Variants in C8orf34 observed in about 807,000 individuals in gnomAD.
C8orf34 encodes the protein chromosome 8 open reading frame 34, also known as uncharacterized protein C8orf34.
Under a neutral mutation model 68.3 loss-of-function variants are expected in C8orf34, and 65 were observed. The observed-to-expected ratio is 0.95, with a 90% CI of 0.78 to 1.17. The LOEUF (loss-of-function observed/expected upper bound fraction) is 1.17, where lower values mean the gene tolerates loss of function less well. Among genes scored for constraint, C8orf34 ranks in the 50% most tolerant of loss-of-function variants. The pLI is 0.00. For missense variants in C8orf34, 664 were observed against 655.4 expected (o/e 1.01, Z -0.14); for synonymous variants, 244 against 241.2 (o/e 1.01, Z -0.11).
chr8:68,415,291 C>A (rs1410099779), intron 1 of C8orf34, among the ~76,000 whole-genome samples: 1 of 152,058 alleles, frequency 6.6e-6, no homozygotes, highest in African/African-American at 2.4e-5. Context: ...ACAAGCCTGG[C>A]CAACATGTCA....
intron 7 of C8orf34, among the ~76,000 whole-genome samples, chr8:68,583,254 G>T (rs907854007): frequency 6.6e-6 from 1 of 152,056 alleles, no homozygotes; most frequent in African/African-American, 2.4e-5. Flanking sequence ...GGAGAGAAAA[G>T]AAATGATTTG....
intron 7 of C8orf34, among the ~76,000 whole-genome samples, chr8:68,558,242 G>C (rs1403610887): frequency 6.6e-6 from 1 of 152,150 alleles, no homozygotes; most frequent in Non-Finnish European, 1.5e-5. Context: ...AGGCAGTGAA[G>C]CTAGCTTGTG....
chr8:68,611,068 T>C (rs1044173640), intron 7 of C8orf34, among the ~76,000 whole-genome samples: 6 of 152,066 alleles, frequency 3.9e-5, no homozygotes, highest in African/African-American at 1.2e-4. Flanking sequence ...GGTTTCTCCA[T>C]GTTGGTCAGG....
rs140113424 is a variant in C8orf34, at chr8:68,742,081, TG to T, written c.1404+20645del. On this transcript the variant is annotated intron_variant, in intron 10 of 13. Transcript: ENST00000518698. The stretch of plus-strand genomic sequence containing the variant: ...CCTAGTTTTATTCTTCTTCTGGACT[TG>T]AACTCCAGCGTGTCAGTGGTAATAC... Among the ~76,000 whole-genome samples the T allele has an allele frequency of 2.9e-3, 449 of 152,308 alleles. 4 individuals carry two copies. The highest frequency in any genetic ancestry group is 0.01 in the African/African-American group (429 of 41,564).
In C8orf34 at chr8:68,409,017, G is replaced by T. The variant is rs190594739; in HGVS notation, c.328-30482G>T. Among the ~76,000 whole-genome samples, 73 of 152,112 alleles carry T rather than the reference G, an allele frequency of 4.8e-4. No individual in the cohort carries two copies. In the East Asian group the frequency reaches 0.013, roughly 27 times the overall value. On this transcript the variant is annotated intron_variant, in intron 1 of 13. Transcript: ENST00000518698. The stretch of plus-strand genomic sequence containing the variant: ...TTGGCCAGCCTGATCTTGAACTCCT[G>T]ACCTCATGATACACCCGCCTTGGCC...
chr8:68,649,412 C>T (rs1253336904), intron 8 of C8orf34, among the ~76,000 whole-genome samples: 1 of 152,132 alleles, frequency 6.6e-6, no homozygotes, highest in African/African-American at 2.4e-5. Flanking sequence ...TGTCAGATGA[C>T]GATAGTGCCA....
At chr8:68,564,846 A>G (rs562807841) in intron 7 of C8orf34, among the ~76,000 whole-genome samples, 1 of 152,262 alleles carries the variant, frequency 6.6e-6, no homozygotes, top group South Asian at 2.1e-4. Flanking sequence ...AGAGAGAGTT[A>G]AATTTTAGTA....
chr8:68,613,704 G>A (rs576832267), intron 7 of C8orf34, among the ~76,000 whole-genome samples: 1 of 151,554 alleles, frequency 6.6e-6, no homozygotes, highest in Non-Finnish European at 1.5e-5. Flanking sequence ...GGACATTTGG[G>A]TTGGTTCCAA....
intron 1 of C8orf34, among the ~76,000 whole-genome samples, chr8:68,425,524 A>G (rs938746735): frequency 2.0e-5 from 3 of 152,138 alleles, no homozygotes; most frequent in East Asian, 1.9e-4. Flanking sequence ...ACAAAATAAA[A>G]TCATTATAAA....
intron 10 of C8orf34, among the ~76,000 whole-genome samples, chr8:68,756,595 A>G (rs921649525): frequency 2.0e-5 from 3 of 152,186 alleles, no homozygotes; most frequent in African/African-American, 7.2e-5. Context: ...GAAAGCTTAA[A>G]TAATATGTTA....
At position 68,695,467 on chromosome 8, in the gene C8orf34, A is replaced by G. The variant is rs1820804492; in HGVS notation, c.1242-13527A>G. ...CCCAGCCTGTTTATTCCTTTTTATA[A>G]GTACATCTTCAATGCTACATTAAAA... is the stretch of plus-strand genomic sequence containing the variant. On this transcript the variant is annotated intron_variant, in intron 8 of 13. Coordinates refer to ENST00000518698, the MANE Select transcript of C8orf34 (RefSeq NM_052958.4). 2.0e-5 allele frequency among the ~76,000 whole-genome samples: 3 copies of G among 152,090 alleles called. No individual in the cohort carries two copies. The South Asian group carries it at 6.2e-4, about 32-fold the overall frequency.
At chr8:68,359,523 T>C (rs930710398) in intron 1 of C8orf34, among the ~76,000 whole-genome samples, 15 of 152,272 alleles carry the variant, frequency 9.9e-5, no homozygotes, top group African/African-American at 3.6e-4. Context: ...GTGCTGGTGA[T>C]AAGAGGGCAG....
intron 1 of C8orf34, among the ~76,000 whole-genome samples, chr8:68,416,892 A>G (rs1260587362): frequency 6.6e-6 from 1 of 152,128 alleles, no homozygotes. Context: ...ATAAACTTCT[A>G]AAACAATTAT....
At chr8:68,367,753 G>C (rs1317321359) in intron 1 of C8orf34, among the ~76,000 whole-genome samples, 1 of 125,168 alleles carries the variant, frequency 8.0e-6, no homozygotes, top group South Asian at 3.0e-4. Flanking sequence ...CTGTGGTGGG[G>C]TGGGGGGAGG....
chr8:68,388,592 C>T (rs527381259), intron 1 of C8orf34, among the ~76,000 whole-genome samples: 1 of 152,158 alleles, frequency 6.6e-6, no homozygotes, highest in African/African-American at 2.4e-5. Context: ...CAGCCTGAGG[C>T]AATATGGCAT....
intron 7 of C8orf34, among the ~76,000 whole-genome samples, chr8:68,632,142 A>G (rs1818707947): frequency 6.6e-6 from 1 of 152,158 alleles, no homozygotes; most frequent in South Asian, 2.1e-4. Context: ...CAAAATTCTG[A>G]TAGTGACATG....
chr8:68,722,318 CT>C (rs1821699703), intron 10 of C8orf34, among the ~76,000 whole-genome samples: 1 of 152,020 alleles, frequency 6.6e-6, no homozygotes, highest in African/African-American at 2.4e-5. Flanking sequence ...TAATAACCTC[CT>C]TTAACTTAAT....
intron 1 of C8orf34, among the ~76,000 whole-genome samples, chr8:68,380,497 C>T (rs1475110736): frequency 6.6e-6 from 1 of 152,180 alleles, no homozygotes; most frequent in Non-Finnish European, 1.5e-5. Flanking sequence ...GGATAATTTC[C>T]TGCTTCCAAT....
At chr8:68,600,993 C>T (rs908441573) in intron 7 of C8orf34, among the ~76,000 whole-genome samples, 3 of 152,160 alleles carry the variant, frequency 2.0e-5, no homozygotes, top group Admixed American at 2.0e-4. Context: ...TTAGCTCCCA[C>T]ATATAAGTGA....
Sources: allele counts gnomAD v4.1 joint callset (sites outside exome capture counted in the v4.1 genomes callset), GRCh38; gene constraint gnomAD v4.1.1; transcripts MANE v1.5; gene names NCBI Gene and HGNC (gene_info 2026-07-23, HGNC 2026-07-21).